NKAIN3: variants seen among roughly 807,000 people sequenced by gnomAD.
The protein encoded by NKAIN3 is sodium/potassium-transporting ATPase subunit beta-1-interacting protein 3.
In NKAIN3, 25 loss-of-function variants were observed where a neutral mutation model predicts 30.2. That is an observed-to-expected ratio of 0.83 (90% CI 0.60 to 1.16). The LOEUF is 1.16. Ranked by LOEUF, NKAIN3 falls within the 50% of genes most tolerant of loss-of-function variation. NKAIN3 has a pLI of 0.00. For synonymous variants in NKAIN3, 91 were observed against 89.6 expected (o/e 1.02, Z -0.09); for missense variants, 225 against 254.1 (o/e 0.89, Z 0.78).
chr8:62,939,435 G>T (rs183294841), intron 5 of NKAIN3, among the ~76,000 whole-genome samples: 7 of 152,206 alleles, frequency 4.6e-5, no homozygotes, highest in African/African-American at 1.7e-4. Context: ...AAAGATAATT[G>T]CCTAGGCACA....
At chr8:62,651,023 C>G (rs1812605374) in intron 3 of NKAIN3, among the ~76,000 whole-genome samples, 1 of 151,694 alleles carries the variant, frequency 6.6e-6, no homozygotes, top group African/African-American at 2.4e-5. Context: ...GCATTTCAAA[C>G]TGTTTTAAAA....
chr8:62,748,443 T>C (rs75918980), intron 4 of NKAIN3, among the ~76,000 whole-genome samples: 3,386 of 152,250 alleles, frequency 0.022, 123 homozygotes, highest in African/African-American at 0.077. Flanking sequence ...ACGTGAGTAA[T>C]GCTTGCTATT....
chr8:62,723,102 C>T lies in NKAIN3; in HGVS notation c.274-23830C>T, dbSNP rs576827018. Among the ~76,000 whole-genome samples, 9 of 152,080 alleles carry T rather than the reference C, an allele frequency of 5.9e-5. No homozygotes were observed. In the South Asian group the frequency reaches 6.2e-4, roughly 11 times the overall value. On this transcript the variant is annotated intron_variant, in intron 3 of 6. Transcript: ENST00000623646. ...AGAGGATTCAAAACCAATCAGCTGC[C>T]GCATCCATAGGTCAAAAAATAACAA...
At chr8:62,383,147 C>T (rs920136028) in intron 1 of NKAIN3, among the ~76,000 whole-genome samples, 1 of 152,096 alleles carries the variant, frequency 6.6e-6, no homozygotes, top group Non-Finnish European at 1.5e-5. Flanking sequence ...CAGCCAGGGA[C>T]ATTACTCAAT....
At chr8:62,427,316 AT>A (rs1169072278) in intron 1 of NKAIN3, among the ~76,000 whole-genome samples, 1 of 151,996 alleles carries the variant, frequency 6.6e-6, no homozygotes, top group Non-Finnish European at 1.5e-5. Context: ...AGGCCTTGCT[AT>A]TCACCAGTGA....
intron 1 of NKAIN3, among the ~76,000 whole-genome samples, chr8:62,480,447 A>G (rs1159057118): frequency 6.6e-6 from 1 of 151,818 alleles, no homozygotes; most frequent in Non-Finnish European, 1.5e-5. Context: ...ATAGCTTGCC[A>G]TGTTACAGTA....
At chr8:62,624,001 C>T (rs911866791) in intron 3 of NKAIN3, among the ~76,000 whole-genome samples, 3 of 152,058 alleles carry the variant, frequency 2.0e-5, no homozygotes, top group African/African-American at 7.2e-5. Flanking sequence ...ACTGAAGGTT[C>T]CTCCCCTTTT....
chr8:62,964,477 A>G (rs997424158), intron 6 of NKAIN3, among the ~76,000 whole-genome samples: 2 of 151,682 alleles, frequency 1.3e-5, no homozygotes, highest in African/African-American at 4.8e-5. Flanking sequence ...GGAGATGGGG[A>G]TCTGTATGAG....
intron 1 of NKAIN3, among the ~76,000 whole-genome samples, chr8:62,392,815 AT>A (rs1817617326): frequency 6.6e-6 from 1 of 151,980 alleles, no homozygotes; most frequent in South Asian, 2.1e-4. Context: ...GCAGATTAGA[AT>A]TTTTTAAATA....
chr8:62,404,064 G>T (rs1009417294), intron 1 of NKAIN3, among the ~76,000 whole-genome samples: 2 of 152,336 alleles, frequency 1.3e-5, no homozygotes, highest in South Asian at 4.1e-4. Context: ...TTTAATGACT[G>T]TACTGTTTTG....
At chr8:62,255,707 G>T (rs1429010901) in intron 1 of NKAIN3, among the ~76,000 whole-genome samples, 1 of 152,152 alleles carries the variant, frequency 6.6e-6, no homozygotes, top group Admixed American at 6.5e-5. Flanking sequence ...CCATGTCATG[G>T]CAGGAATAAT....
At chr8:62,328,783 A>G (rs1815235738) in intron 1 of NKAIN3, among the ~76,000 whole-genome samples, 1 of 152,006 alleles carries the variant, frequency 6.6e-6, no homozygotes, top group Admixed American at 6.6e-5. Context: ...TTTGTTTAGT[A>G]CCTTATATGG....
rs184310417 is a variant in NKAIN3 at position 62,739,580 on chromosome 8, A to G, written c.274-7352A>G. 1.1e-4 allele frequency among the ~76,000 whole-genome samples: 16 copies of G among 152,260 alleles called. No homozygotes were observed. In the East Asian group the frequency reaches 2.9e-3, roughly 28 times the overall value. The stretch of plus-strand genomic sequence containing the variant: ...GGTGCAAAAAAATTGAAATCCATGC[A>G]TAGGTTTTTTTTTAAAATAATAGCA... On this transcript the variant is annotated intron_variant, in intron 3 of 6. Transcript: ENST00000623646.
intron 1 of NKAIN3, among the ~76,000 whole-genome samples, chr8:62,286,909 G>C (rs1813396551): frequency 1.3e-5 from 2 of 151,716 alleles, no homozygotes; most frequent in African/African-American, 4.8e-5. Context: ...CTTCATTTTA[G>C]AAAATTTATT....
chr8:62,608,149 C>A (rs984882813), intron 3 of NKAIN3, among the ~76,000 whole-genome samples: 2 of 152,076 alleles, frequency 1.3e-5, no homozygotes, highest in African/African-American at 4.8e-5. Context: ...CTATATTTGC[C>A]CACCTGGCTG....
At chr8:62,477,221 A>G (rs1042302318) in intron 1 of NKAIN3, among the ~76,000 whole-genome samples, 5 of 152,196 alleles carry the variant, frequency 3.3e-5, no homozygotes, top group African/African-American at 1.2e-4. Context: ...GAGGGCAAGG[A>G]TGGGCTCAGA....
At chr8:62,647,361 T>C (rs1812495339) in intron 3 of NKAIN3, among the ~76,000 whole-genome samples, 2 of 152,296 alleles carry the variant, frequency 1.3e-5, no homozygotes, top group South Asian at 4.1e-4. Context: ...ATTAGGCTAA[T>C]CTCTAAGCCA....
At chr8:62,290,268 T>A (rs906442093) in intron 1 of NKAIN3, among the ~76,000 whole-genome samples, 1 of 152,218 alleles carries the variant, frequency 6.6e-6, no homozygotes, top group Non-Finnish European at 1.5e-5. Context: ...GGCCAGAACT[T>A]CCAACATTAT....
At chr8:62,331,927 G>T (rs1007336120) in intron 1 of NKAIN3, among the ~76,000 whole-genome samples, 3 of 152,032 alleles carry the variant, frequency 2.0e-5, no homozygotes, top group African/African-American at 7.2e-5. Flanking sequence ...AGATTACTTT[G>T]AAGTCTGGGG....
Sources: gnomAD v4.1 joint callset for allele counts (sites outside exome capture counted in the v4.1 genomes callset) on GRCh38, gnomAD v4.1.1 for gene constraint, MANE v1.5 for transcripts, NCBI Gene and HGNC (gene_info 2026-07-23, HGNC 2026-07-21) for gene names.